The following CSNK2A2IP variants were observed in gnomAD, a reference collection of about 807,000 sequenced individuals.
CSNK2A2IP encodes casein kinase II subunit alpha'-interacting protein.
At chr3:88,418,396 A>G in the CSNK2A2IP span, among the ~76,000 whole-genome samples, 1 of 151,952 alleles carries the variant, frequency 6.6e-6, no homozygotes, top group African/African-American at 2.4e-5. Context: ...TCTTTATGCT[A>G]CTGCTGACAA....
chr3:88,465,638 A>G, the CSNK2A2IP span: 1 of 1,231,566 alleles, frequency 8.1e-7, no homozygotes, highest in Non-Finnish European at 1.0e-6. Flanking sequence ...CCATTGTTCC[A>G]TGCCAAGCAT....
chr3:88,434,353 GAA>G, the CSNK2A2IP span, among the ~76,000 whole-genome samples: 1 of 149,902 alleles, frequency 6.7e-6, no homozygotes, highest in Non-Finnish European at 1.5e-5. Flanking sequence ...TCCAAATGCA[GAA>G]AAAAAAAATA....
At chr3:88,449,385 A>C in the CSNK2A2IP span, among the ~76,000 whole-genome samples, 1 of 152,142 alleles carries the variant, frequency 6.6e-6, no homozygotes, top group African/African-American at 2.4e-5. Flanking sequence ...CTTCTCTCAG[A>C]AAATAACCTT....
the CSNK2A2IP span, among the ~76,000 whole-genome samples, chr3:88,387,176 T>C: frequency 6.6e-6 from 1 of 151,564 alleles, no homozygotes; most frequent in Non-Finnish European, 1.5e-5. Flanking sequence ...TTTTTTTTTT[T>C]TTTTGAGATG....
the CSNK2A2IP span, among the ~76,000 whole-genome samples, chr3:88,437,632 C>T: frequency 1.6e-4 from 24 of 152,152 alleles, no homozygotes; most frequent in East Asian, 4.4e-3. Flanking sequence ...TAATCATTTC[C>T]TAAAATGAGA....
chr3:88,457,695 C>CAAATAAAAT, the CSNK2A2IP span, among the ~76,000 whole-genome samples: 2 of 110,312 alleles, frequency 1.8e-5, no homozygotes, highest in Non-Finnish European at 3.8e-5. Context: ...GACTCAGTCT[C>CAAATAAAAT]AAAATAAAAT....
the CSNK2A2IP span, among the ~76,000 whole-genome samples, chr3:88,460,865 A>G: frequency 6.6e-6 from 1 of 152,134 alleles, no homozygotes; most frequent in South Asian, 2.1e-4. Flanking sequence ...AGGCGGGTAG[A>G]TCACCCGAAG....
At chr3:88,416,067 T>C in the CSNK2A2IP span, among the ~76,000 whole-genome samples, 2 of 151,950 alleles carry the variant, frequency 1.3e-5, no homozygotes, top group African/African-American at 4.8e-5. Context: ...GGTCAGGAGA[T>C]GGAGACCATC....
chr3:88,423,749 G>T, the CSNK2A2IP span, among the ~76,000 whole-genome samples: 1 of 152,114 alleles, frequency 6.6e-6, no homozygotes, highest in Non-Finnish European at 1.5e-5. Flanking sequence ...TGGCAGTTTA[G>T]ATAGAAGGTG....
the CSNK2A2IP span, among the ~76,000 whole-genome samples, chr3:88,461,977 C>T: frequency 6.6e-6 from 1 of 151,572 alleles, no homozygotes; most frequent in Non-Finnish European, 1.5e-5. Context: ...TTAATGAAGC[C>T]GAGGTTTTTT....
At chr3:88,438,902 A>C in the CSNK2A2IP span, among the ~76,000 whole-genome samples, 2,074 of 149,524 alleles carry the variant, frequency 0.014, 40 homozygotes, top group African/African-American at 0.048. Context: ...CTGCCCCTAC[A>C]TCTCCATGTT....
At chr3:88,430,988 G>A in the CSNK2A2IP span, among the ~76,000 whole-genome samples, 1 of 152,100 alleles carries the variant, frequency 6.6e-6, no homozygotes, top group African/African-American at 2.4e-5. Flanking sequence ...CTAAATGGCA[G>A]AAGATAATAA....
chr3:88,413,758 T>C, the CSNK2A2IP span, among the ~76,000 whole-genome samples: 1 of 151,984 alleles, frequency 6.6e-6, no homozygotes, highest in African/African-American at 2.4e-5. Context: ...AAAACATGCA[T>C]AGGTATTTTT....
At chr3:88,350,305 T>C in the CSNK2A2IP span, among the ~76,000 whole-genome samples, 1 of 152,176 alleles carries the variant, frequency 6.6e-6, no homozygotes, top group African/African-American at 2.4e-5. Context: ...AGTTTTAGTT[T>C]ATACCTTAAT....
At chr3:88,418,873 G>C in the CSNK2A2IP span, among the ~76,000 whole-genome samples, 1 of 152,128 alleles carries the variant, frequency 6.6e-6, no homozygotes, top group Admixed American at 6.5e-5. Flanking sequence ...ACAGGCAAGA[G>C]AGCCATCTGT....
chr3:88,446,052 TTCTTTCTTTCTTTCTTTC>T, the CSNK2A2IP span, among the ~76,000 whole-genome samples: 1 of 110,762 alleles, frequency 9.0e-6, no homozygotes, highest in Non-Finnish European at 2.0e-5. Flanking sequence ...CTTTCTTTCT[TTCTTTCTTTCTTTCTTTC>T]TTTCTTTCTT....
the CSNK2A2IP span, among the ~76,000 whole-genome samples, chr3:88,444,618 A>C: frequency 7.6e-4 from 116 of 152,324 alleles, 1 homozygote; most frequent in African/African-American, 2.6e-3. Flanking sequence ...CAGAAATGTT[A>C]TGTATATGTG....
chr3:88,393,277 T>C, the CSNK2A2IP span, among the ~76,000 whole-genome samples: 2 of 152,216 alleles, frequency 1.3e-5, no homozygotes, highest in Admixed American at 6.5e-5. Context: ...GACTGTTACA[T>C]TTTTTGATGT....
At chr3:88,444,856 G>T in the CSNK2A2IP span, among the ~76,000 whole-genome samples, 1 of 152,064 alleles carries the variant, frequency 6.6e-6, no homozygotes, top group Non-Finnish European at 1.5e-5. Context: ...AATATGTCAT[G>T]GTTTTCTATA....
Sources: gnomAD v4.1 joint callset for allele counts (sites outside exome capture counted in the v4.1 genomes callset) on GRCh38, gnomAD v4.1.1 for gene constraint, MANE v1.5 for transcripts, NCBI Gene and HGNC (gene_info 2026-07-23, HGNC 2026-07-21) for gene names.